The following RASGRP3 variants were observed in gnomAD, a reference collection of about 807,000 sequenced individuals.
RASGRP3 encodes ras guanyl-releasing protein 3.
In RASGRP3, 54 loss-of-function variants were observed where a neutral mutation model predicts 82.7. The ratio of observed to expected loss-of-function variants is 0.65; its 90% CI spans 0.52 to 0.82. The LOEUF is 0.82. Among genes scored for constraint, RASGRP3 ranks in the 40% least tolerant of loss-of-function variants. RASGRP3 has a pLI of 0.00. For synonymous variants in RASGRP3, 309 were observed against 300.5 expected (o/e 1.03, Z -0.29); for missense variants, 861 against 828.9 (o/e 1.04, Z -0.48).
chr2:33,557,772 G>A (rs1676164006), intron 15 of RASGRP3, among the ~76,000 whole-genome samples: 1 of 151,728 alleles, frequency 6.6e-6, no homozygotes, highest in Non-Finnish European at 1.5e-5. Context: ...TAAATGATCA[G>A]AGGCAGTTGG....
At chr2:33,531,766 C>T (rs770562515) in intron 10 of RASGRP3, 3 of 152,202 alleles carry the variant, frequency 2.0e-5, no homozygotes, top group Non-Finnish European at 4.4e-5. Flanking sequence ...TGGAAATACC[C>T]AAGGGTGTTC....
intron 1 of RASGRP3, among the ~76,000 whole-genome samples, chr2:33,492,750 G>T (rs1451578722): frequency 1.3e-5 from 2 of 152,198 alleles, no homozygotes; most frequent in Non-Finnish European, 2.9e-5. Context: ...CATCCAGTCT[G>T]TGGTGTTTTG....
rs186946545 is a variant in RASGRP3 at position 33,537,591 on chromosome 2, C to T, written c.1162-1503C>T. 2.5e-3 allele frequency among the ~76,000 whole-genome samples: 374 copies of T among 152,066 alleles called. 4 individuals carry two copies. Among genetic ancestry groups the T allele is most frequent in the African/African-American group, 8.6e-3 (357 of 41,464 alleles). On this transcript the variant is annotated intron_variant, in intron 11 of 17. Coordinates refer to ENST00000403687, the MANE Select transcript of RASGRP3 (RefSeq NM_001139488.2). ...GGCCAGGCTGGTCTCAAACTCCTGG[C>T]CTCAGGTGATCCACCTGCCTCAGCC...
chr2:33,441,262 C>A (rs935750170), intron 1 of RASGRP3, among the ~76,000 whole-genome samples: 1 of 152,246 alleles, frequency 6.6e-6, no homozygotes, highest in East Asian at 1.9e-4. Flanking sequence ...CCTTTCCCCC[C>A]TCCTCCCACC....
intron 2 of RASGRP3, among the ~76,000 whole-genome samples, chr2:33,464,478 T>TTTA (rs1558406691): frequency 7.5e-6 from 1 of 134,060 alleles, no homozygotes; most frequent in Non-Finnish European, 1.6e-5. Flanking sequence ...GATCTTTTTT[T>TTTA]AAAAAAAAAA....
chr2:33,537,519 C>T (rs569373419), intron 11 of RASGRP3, among the ~76,000 whole-genome samples: 219 of 152,066 alleles, frequency 1.4e-3, no homozygotes, highest in African/African-American at 4.5e-3. Flanking sequence ...CCACCACATC[C>T]GGCTAATTTT....
chr2:33,455,259 A>G (rs73926654), intron 2 of RASGRP3, among the ~76,000 whole-genome samples: 1 of 152,252 alleles, frequency 6.6e-6, no homozygotes, highest in East Asian at 1.9e-4. Context: ...TAAGAAATTC[A>G]TGAAACAAAT....
At chr2:33,544,269 G>A (rs1674534904) in intron 13 of RASGRP3, among the ~76,000 whole-genome samples, 1 of 151,988 alleles carries the variant, frequency 6.6e-6, no homozygotes, top group South Asian at 2.1e-4. Flanking sequence ...AGCTGAGATA[G>A]CACCATTGCA....
chr2:33,559,848 AC>A (rs1202315520), intron 17 of RASGRP3, among the ~76,000 whole-genome samples: 1 of 152,084 alleles, frequency 6.6e-6, no homozygotes, highest in African/African-American at 2.4e-5. Flanking sequence ...TCCACATTCC[AC>A]TCTTCAGGAG....
At chr2:33,466,648 C>T (rs1342508441) in intron 2 of RASGRP3, among the ~76,000 whole-genome samples, 1 of 149,958 alleles carries the variant, frequency 6.7e-6, no homozygotes, top group Non-Finnish European at 1.5e-5. Context: ...CATTGCGCTG[C>T]CGTGTGGGCA....
At chr2:33,538,831 G>A (rs1362444847) in intron 11 of RASGRP3, among the ~76,000 whole-genome samples, 1 of 152,120 alleles carries the variant, frequency 6.6e-6, no homozygotes, top group Non-Finnish European at 1.5e-5. Context: ...TTGAGCCCAG[G>A]AGTTAGAGAC....
Position 33,524,149 on chromosome 2 carries a change from G to A in RASGRP3, c.690+97G>A. The A allele has an allele frequency of 3.6e-6, 5 of 1,379,188 alleles. 1 individual carries two copies. In the South Asian group the frequency reaches 5.4e-5, roughly 15 times the overall value. The allele number at this position is 1,379,188 out of a possible 1,614,324, so 85.4% of individuals were successfully genotyped here. On this transcript the variant is annotated intron_variant, in intron 8 of 17. Coordinates refer to ENST00000403687, the MANE Select transcript of RASGRP3 (RefSeq NM_001139488.2). ...GAAATGTGGCGTTCACAGTATAAGG[G>A]CATCGGACAACTAAACTACTCGCTG...
At chr2:33,464,564 C>G (rs1666577994) in intron 2 of RASGRP3, among the ~76,000 whole-genome samples, 1 of 151,996 alleles carries the variant, frequency 6.6e-6, no homozygotes, top group African/African-American at 2.4e-5. Context: ...CCTTGACTTC[C>G]CCTGCTCAAG....
intron 2 of RASGRP3, among the ~76,000 whole-genome samples, chr2:33,468,620 T>TGACCCACA (rs1666863668): frequency 1.3e-5 from 2 of 152,174 alleles, no homozygotes; most frequent in African/African-American, 4.8e-5. Flanking sequence ...CAGGATGGTC[T>TGACCCACA]TGATCTCCTG....
chr2:33,519,531 C>T (rs1050377276), intron 4 of RASGRP3, among the ~76,000 whole-genome samples: 4 of 152,116 alleles, frequency 2.6e-5, no homozygotes, highest in South Asian at 2.1e-4. Flanking sequence ...GGTGTGAACC[C>T]GGGAGGCAGA....
chr2:33,439,311 A>T (rs115157594), intron 1 of RASGRP3, among the ~76,000 whole-genome samples: 2,306 of 152,292 alleles, frequency 0.015, 64 homozygotes, highest in African/African-American at 0.053. Context: ...CCTAAGGAAG[A>T]CCTGATCCAG....
At chr2:33,544,689 G>A (rs1674574637) in intron 13 of RASGRP3, among the ~76,000 whole-genome samples, 1 of 152,064 alleles carries the variant, frequency 6.6e-6, no homozygotes, top group Admixed American at 6.6e-5. Context: ...GCTGGTATGA[G>A]AATTCTTAAA....
chr2:33,562,019 A>G (rs1198173201), intron 17 of RASGRP3, among the ~76,000 whole-genome samples: 1 of 152,218 alleles, frequency 6.6e-6, no homozygotes, highest in Admixed American at 6.5e-5. Flanking sequence ...AAAATGGAAT[A>G]TGTTTATGAA....
chr2:33,477,971 C>T (rs1309398172), intron 1 of RASGRP3, among the ~76,000 whole-genome samples: 1 of 152,184 alleles, frequency 6.6e-6, no homozygotes. Flanking sequence ...GATTCTCATA[C>T]AGGCTCAAGC....
Sources: gnomAD v4.1 joint callset for allele counts (sites outside exome capture counted in the v4.1 genomes callset) on GRCh38, gnomAD v4.1.1 for gene constraint, MANE v1.5 for transcripts, NCBI Gene and HGNC (gene_info 2026-07-23, HGNC 2026-07-21) for gene names.